Variants in CDH13 observed in about 807,000 individuals in gnomAD.
The protein encoded by CDH13 is cadherin-13.
In CDH13, 24 loss-of-function variants were observed where a neutral mutation model predicts 63.8. That is an observed-to-expected ratio of 0.38 (90% CI 0.27 to 0.53). CDH13 has a LOEUF of 0.53. Ranked by LOEUF, CDH13 falls within the 20% of genes least tolerant of loss-of-function variation. CDH13 has a pLI of 0.85. For synonymous variants in CDH13, 503 were observed against 355.3 expected (o/e 1.42, Z -4.67); for missense variants, 1,049 against 903.1 (o/e 1.16, Z -2.07).
chr16:83,506,334 C>T (rs1374347006), intron 7 of CDH13, among the ~76,000 whole-genome samples: 1 of 152,120 alleles, frequency 6.6e-6, no homozygotes, highest in Non-Finnish European at 1.5e-5. Context: ...GGTGGGAATC[C>T]AGTTCTGCTA....
intron 10 of CDH13, among the ~76,000 whole-genome samples, chr16:83,722,894 A>T (rs1301209401): frequency 6.6e-6 from 1 of 152,196 alleles, no homozygotes; most frequent in Admixed American, 6.5e-5. Context: ...CGTTGACTTG[A>T]TTTTACTACA....
chr16:83,098,357 A>T (rs1258324231), intron 3 of CDH13, among the ~76,000 whole-genome samples: 2 of 152,162 alleles, frequency 1.3e-5, no homozygotes, highest in African/African-American at 4.8e-5. Flanking sequence ...TCTACATTAC[A>T]TTGCTATTAT....
intron 6 of CDH13, among the ~76,000 whole-genome samples, chr16:83,403,813 T>C (rs1020440905): frequency 1.8e-4 from 27 of 152,066 alleles, no homozygotes; most frequent in African/African-American, 5.8e-4. Context: ...CTTACCTAGA[T>C]ACAAAAAGTT....
At chr16:83,220,586 T>C (rs531007901) in intron 5 of CDH13, among the ~76,000 whole-genome samples, 1 of 138,956 alleles carries the variant, frequency 7.2e-6, no homozygotes, top group South Asian at 2.2e-4. Context: ...ACATGTACCA[T>C]AGAACTTAAA....
chr16:83,306,431 A>C (rs746953600), intron 5 of CDH13, among the ~76,000 whole-genome samples: 3 of 152,014 alleles, frequency 2.0e-5, no homozygotes, highest in Non-Finnish European at 4.4e-5. Flanking sequence ...TCTTGTGGGG[A>C]TGGATTAACT....
At chr16:83,193,329 G>T (rs1039934943) in intron 4 of CDH13, among the ~76,000 whole-genome samples, 11 of 152,092 alleles carry the variant, frequency 7.2e-5, no homozygotes, top group Non-Finnish European at 1.5e-4. Context: ...GAGAGGTTTA[G>T]TAATGTGTTC....
chr16:82,833,623 C>G (rs1427211127), intron 1 of CDH13, among the ~76,000 whole-genome samples: 2 of 152,216 alleles, frequency 1.3e-5, no homozygotes, highest in African/African-American at 4.8e-5. Context: ...TGATTCCCTT[C>G]CCTCCCGCTC....
At chr16:83,087,284 C>A (rs1239706139) in intron 3 of CDH13, among the ~76,000 whole-genome samples, 2 of 152,114 alleles carry the variant, frequency 1.3e-5, no homozygotes, top group Non-Finnish European at 2.9e-5. Flanking sequence ...TGGAAAAAGT[C>A]TGACTCATTT....
At position 83,150,640 on chromosome 16, in the gene CDH13, G is replaced by GT. The variant is rs373420889; in HGVS notation, c.483+25145dup. 8.2e-4 allele frequency among the ~76,000 whole-genome samples: 125 copies of GT among 152,236 alleles called. 2 individuals are homozygous for GT. The East Asian group carries it at 0.023, about 28-fold the overall frequency. ...GTTCAGATATCTGTCCTTATAGAGC[G>GT]TTTTTTATCTCACTTACTATACTTT... On this transcript the variant is annotated intron_variant, in intron 4 of 13. Transcript: ENST00000567109.
chr16:82,925,521 G>T (rs551968275), intron 2 of CDH13, among the ~76,000 whole-genome samples: 1 of 152,200 alleles, frequency 6.6e-6, no homozygotes, highest in Non-Finnish European at 1.5e-5. Flanking sequence ...AACAGGTCAT[G>T]CACTAGCTGC....
intron 1 of CDH13, among the ~76,000 whole-genome samples, chr16:82,785,681 A>G (rs777820524): frequency 2.0e-5 from 3 of 152,216 alleles, no homozygotes; most frequent in Non-Finnish European, 4.4e-5. Context: ...ATTGAGGACA[A>G]TTTCTTTCCT....
chr16:83,576,502 A>G (rs1239967208), intron 7 of CDH13, among the ~76,000 whole-genome samples: 2 of 152,108 alleles, frequency 1.3e-5, no homozygotes, highest in Admixed American at 1.3e-4. Flanking sequence ...GCCTGTTTCT[A>G]ATTCTTTGGG....
intron 1 of CDH13, among the ~76,000 whole-genome samples, chr16:82,775,155 T>G (rs1325032881): frequency 1.3e-5 from 2 of 152,136 alleles, no homozygotes; most frequent in African/African-American, 4.8e-5. Flanking sequence ...GAAATGAGGA[T>G]GACAGCTGTA....
At chr16:82,724,867 G>T (rs1219336868) in intron 1 of CDH13, among the ~76,000 whole-genome samples, 1 of 152,126 alleles carries the variant, frequency 6.6e-6, no homozygotes, top group Admixed American at 6.5e-5. Context: ...TCTTCCAGTT[G>T]GATGTCCTTG....
At chr16:83,160,020 G>A (rs2037379608) in intron 4 of CDH13, among the ~76,000 whole-genome samples, 1 of 151,956 alleles carries the variant, frequency 6.6e-6, no homozygotes, top group Non-Finnish European at 1.5e-5. Context: ...AGGTTGCAGT[G>A]AGCCGATATC....
intron 5 of CDH13, among the ~76,000 whole-genome samples, chr16:83,276,712 T>C (rs1165476585): frequency 6.6e-6 from 1 of 151,756 alleles, no homozygotes. Flanking sequence ...CTACTAAAAA[T>C]ACAAAAAAAT....
chr16:82,841,310 G>A (rs961770044), intron 1 of CDH13, among the ~76,000 whole-genome samples: 45 of 152,344 alleles, frequency 3.0e-4, no homozygotes, highest in African/African-American at 8.7e-4. Context: ...GTTAGTGCTT[G>A]CTTGCCCTTG....
chr16:83,248,402 T>C (rs1366994619), intron 5 of CDH13, among the ~76,000 whole-genome samples: 3 of 152,152 alleles, frequency 2.0e-5, no homozygotes, highest in Non-Finnish European at 4.4e-5. Context: ...AAACTTCCCC[T>C]AGATCAGCAG....
At chr16:82,817,519 A>G (rs781474753) in intron 1 of CDH13, among the ~76,000 whole-genome samples, 3 of 152,178 alleles carry the variant, frequency 2.0e-5, no homozygotes, top group Non-Finnish European at 4.4e-5. Context: ...ACATACAAAT[A>G]TAGAGTGGGT....
Sources: allele counts gnomAD v4.1 joint callset (sites outside exome capture counted in the v4.1 genomes callset), GRCh38; gene constraint gnomAD v4.1.1; transcripts MANE v1.5; gene names NCBI Gene and HGNC (gene_info 2026-07-23, HGNC 2026-07-21).